EPHA5: variants seen among roughly 807,000 people sequenced by gnomAD.
EPHA5 encodes the protein EPH receptor A5.
A neutral mutation model predicts 105.0 loss-of-function variants in EPHA5; 60 were observed. The ratio of observed to expected loss-of-function variants is 0.57; its 90% CI spans 0.46 to 0.71. EPHA5 has a LOEUF of 0.71. Among genes scored for constraint, EPHA5 ranks in the 30% least tolerant of loss-of-function variants. The probability of loss-of-function intolerance (pLI) is 0.00; values close to 1 mark genes in which losing one functional copy is unlikely to be tolerated. For missense variants in EPHA5, 1,218 were observed against 1,274.7 expected (o/e 0.96, Z 0.68); for synonymous variants, 513 against 449.1 (o/e 1.14, Z -1.80).
intron 8 of EPHA5, among the ~76,000 whole-genome samples, chr4:65,392,064 C>T (rs1720769004): frequency 6.6e-6 from 1 of 152,090 alleles, no homozygotes; most frequent in Admixed American, 6.6e-5. Context: ...CGTTCAGTTT[C>T]CTAGGACGGT....
chr4:65,420,516 G>A lies in EPHA5; in HGVS notation c.1452C>T (p.Ser484=). Residue 484 remains serine (S), a synonymous_variant, in exon 6 of 17, where the codon AGC becomes AGT. Coordinates refer to ENST00000613740, the MANE Select transcript of EPHA5 (RefSeq NM_001281766.3). ...CTGGTTCTTGCCAAGACAAAGAGAT[G>A]CTGTTTTTTGCAATTTTCCCTTTTT... The part of the protein sequence containing the change: ...NVKKGKIAKN[S]ISLSWQEPDR... The A allele has an allele frequency of 1.2e-6, 2 of 1,613,050 alleles. No homozygotes were observed. The highest frequency in any genetic ancestry group is 1.7e-6 in the Non-Finnish European group (2 of 1,179,436).
At position 65,630,312 on chromosome 4, in the gene EPHA5, G is replaced by A. The variant is rs986159328; in HGVS notation, c.246+13051C>T. 3.9e-5 allele frequency among the ~76,000 whole-genome samples: 6 copies of A among 152,210 alleles called. No homozygotes were observed. In the East Asian group the frequency reaches 1.2e-3, roughly 29 times the overall value. On this transcript the variant is annotated intron_variant, in intron 2 of 16. Coordinates refer to ENST00000613740, the MANE Select transcript of EPHA5 (RefSeq NM_001281766.3). Reference sequence around the variant, plus strand: ...CATGTTCATTATGAGAAGTGATGGAGTTTAACTGGTATATGACCTTGGAGG... The same window carrying A: ...CATGTTCATTATGAGAAGTGATGGAATTTAACTGGTATATGACCTTGGAGG...
chr4:65,467,688 G>A (rs1441746310), intron 5 of EPHA5, among the ~76,000 whole-genome samples: 7 of 152,106 alleles, frequency 4.6e-5, no homozygotes, highest in Non-Finnish European at 8.8e-5. Context: ...CTCCAAAGAC[G>A]TCTGTTTACT....
In EPHA5 at chr4:65,499,300, C is replaced by A. The variant is rs185092894; in HGVS notation, c.911-3757G>T. 1.6e-4 allele frequency among the ~76,000 whole-genome samples: 24 copies of A among 151,666 alleles called. No homozygotes were observed. The East Asian group carries it at 4.4e-3, about 28-fold the overall frequency. Reference sequence around the variant, plus strand: ...AAATTATCTGTATTTGAATTAGGAACCCCCACTCTGCTCTCTGAGGTGAAG... The same window carrying A: ...AAATTATCTGTATTTGAATTAGGAAACCCCACTCTGCTCTCTGAGGTGAAG... On this transcript the variant is annotated intron_variant, in intron 3 of 16. Transcript: ENST00000613740.
rs776246529 is a variant in EPHA5 at position 65,669,546 on chromosome 4, AC to A, written c.181+15del. The A allele has an allele frequency of 1.2e-5, 17 of 1,371,610 alleles. No individual in the cohort carries two copies. The highest frequency in any genetic ancestry group is 1.5e-5 in the African/African-American group (1 of 66,846). The allele number at this position is 1,371,610 out of a possible 1,614,324, so 85.0% of individuals were successfully genotyped here. On this transcript the variant is annotated intron_variant, in intron 1 of 16. Transcript: ENST00000613740. ...TCCGCCCCAGGTCGCCACGGTCCCC[AC>A]CCCCATCTCCCTACCTTCGTTGCTG...
chr4:65,336,202 C>A, intron 14 of EPHA5, 77 bp from the exon 15 acceptor site: 1 of 1,206,224 alleles, frequency 8.3e-7, no homozygotes, highest in Non-Finnish European at 1.1e-6. Context: ...GTCCCACTGT[C>A]CAACTTTTAT....
chr4:65,463,803 T>C (rs1728347492), intron 5 of EPHA5, among the ~76,000 whole-genome samples: 1 of 152,090 alleles, frequency 6.6e-6, no homozygotes, highest in African/African-American at 2.4e-5. Context: ...ACATTTAATA[T>C]TTTGCCAGAA....
At chr4:65,386,054 C>T (rs1720052094) in intron 8 of EPHA5, among the ~76,000 whole-genome samples, 1 of 151,708 alleles carries the variant, frequency 6.6e-6, no homozygotes, top group African/African-American at 2.4e-5. Flanking sequence ...ATTTAAATCC[C>T]CACGTACACA....
In EPHA5 at chr4:65,404,462, C is replaced by T. The variant is rs763063348; in HGVS notation, c.1705G>A (p.Asp569Asn). The change falls in exon 8 of 17, where the codon GAT becomes AAT. Residue 569 changes from aspartate to asparagine, a missense_variant. Physicochemically the swap from Asp to Asn is conservative, Grantham distance 23. Transcript: ENST00000613740. ...GCAATTACAGGAATCTGGCTTTGAT[C>T]GCTGGATGCTGCAACTGCTGATAGG... ...TTPVSVAASSDQSQIPVIAVS... is the reference protein window; with the variant it reads ...TTPVSVAASSNQSQIPVIAVS... The T allele has an allele frequency of 8.7e-6, 14 of 1,613,650 alleles. No homozygotes were observed. Among genetic ancestry groups the T allele is most frequent in the African/African-American group, 6.7e-5 (5 of 75,028 alleles).
At chr4:65,488,355 G>A (rs978668208) in intron 5 of EPHA5, among the ~76,000 whole-genome samples, 4 of 152,128 alleles carry the variant, frequency 2.6e-5, no homozygotes, top group Non-Finnish European at 4.4e-5. Context: ...AACACAACTC[G>A]GTGATTGTTC....
chr4:65,515,319 C>G (rs768179192), intron 3 of EPHA5, among the ~76,000 whole-genome samples: 1 of 152,094 alleles, frequency 6.6e-6, no homozygotes, highest in African/African-American at 2.4e-5. Flanking sequence ...ATTGCTTTGG[C>G]TCATCCAGTT....
chr4:65,504,365 AAT>A (rs149200564), intron 3 of EPHA5, among the ~76,000 whole-genome samples: 19 of 147,274 alleles, frequency 1.3e-4, no homozygotes, highest in East Asian at 4.0e-4. Context: ...TATATTGAAA[AAT>A]ATATATATAT....
intron 9 of EPHA5, 131 bp from the exon 10 acceptor site, chr4:65,366,188 C>T (rs1717894339): frequency 1.3e-6 from 1 of 746,872 alleles, no homozygotes; most frequent in South Asian, 2.7e-5. Context: ...GACCAGCCCT[C>T]TCCTGAGTTA....
At chr4:65,427,873 A>G (rs1441194809) in intron 5 of EPHA5, among the ~76,000 whole-genome samples, 2 of 152,182 alleles carry the variant, frequency 1.3e-5, no homozygotes, top group East Asian at 1.9e-4. Context: ...GAATTTTGGT[A>G]TAATACTGTC....
intron 16 of EPHA5, 144 bp downstream of exon 16, chr4:65,331,829 A>G (rs933600826): frequency 4.4e-6 from 6 of 1,370,316 alleles, no homozygotes; most frequent in African/African-American, 1.5e-5. Context: ...TGTTAACAAT[A>G]CAGGCTAAAG....
intron 13 of EPHA5, 35 bp from the exon 14 acceptor site, chr4:65,348,238 T>C: frequency 2.5e-6 from 4 of 1,587,344 alleles, no homozygotes; most frequent in Non-Finnish European, 3.4e-6. Flanking sequence ...ACTTCCTACA[T>C]ACTTCAAATG....
rs1198808837 is a variant in EPHA5 at position 65,320,382 on chromosome 4, C to T, written c.*3732G>A. On this transcript the variant is annotated 3_prime_UTR_variant, in exon 17 of 17. Coordinates refer to ENST00000613740, the MANE Select transcript of EPHA5 (RefSeq NM_001281766.3). ...ATCATCATATTGTACCTACTTTTTG[C>T]TTAATTTGAAGTTAAACATCTGGCA... 2.2e-5 allele frequency: 5 copies of T among 229,842 alleles called. No individual in the cohort carries two copies. The highest frequency in any genetic ancestry group is 1.1e-4 in the Admixed American group (2 of 17,578). The allele number at this position is 229,842 out of a possible 1,614,324, so 14.2% of individuals were successfully genotyped here.
chr4:65,612,089 G>A (rs1490976716), intron 2 of EPHA5, among the ~76,000 whole-genome samples: 1 of 149,776 alleles, frequency 6.7e-6, no homozygotes, highest in Non-Finnish European at 1.5e-5. Flanking sequence ...GCCATCTACT[G>A]TCAGTACGTT....
rs2149036932 is a variant in EPHA5 at position 65,420,500 on chromosome 4, G to C, written c.1468C>G (p.Gln490Glu). The change falls in exon 6 of 17, where the codon CAA becomes GAA. Residue 490 changes from glutamine (Q) to glutamate (E), a missense_variant. Coordinates refer to ENST00000613740, the MANE Select transcript of EPHA5 (RefSeq NM_001281766.3). ...IAKNSISLSW[Q>E]EPDRPNGIIL... ...ATTCCATTGGGACGATCTGGTTCTT[G>C]CCAAGACAAAGAGATGCTGTTTTTT... is the stretch of plus-strand genomic sequence containing the variant. 6.2e-7 allele frequency: 1 copy of C among 1,612,746 alleles called. No individual in the cohort carries two copies. Among genetic ancestry groups the C allele is most frequent in the Non-Finnish European group, 8.5e-7 (1 of 1,179,324 alleles).
Sources: allele counts gnomAD v4.1 joint callset (sites outside exome capture counted in the v4.1 genomes callset), GRCh38; gene constraint gnomAD v4.1.1; transcripts MANE v1.5; gene names NCBI Gene and HGNC (gene_info 2026-07-23, HGNC 2026-07-21).